CCDC146: variants seen among roughly 807,000 people sequenced by gnomAD.
CCDC146 encodes the protein coiled-coil domain containing 146, also known as coiled-coil domain-containing protein 146.
CCDC146 carries 92 observed loss-of-function variants against 119.3 expected under a neutral mutation model. The observed-to-expected ratio is 0.77, with a 90% CI of 0.65 to 0.92. The LOEUF (loss-of-function observed/expected upper bound fraction) is 0.92. Ranked by LOEUF, CCDC146 falls within the 40% of genes least tolerant of loss-of-function variation. The pLI is 0.00. For missense variants in CCDC146, 1,000 were observed against 1,103.0 expected (o/e 0.91, Z 1.32); for synonymous variants, 372 against 371.8 (o/e 1.00, Z -0.01).
Position 77,282,604 on chromosome 7 carries a change from A to G in CCDC146, c.1967A>G (p.Glu656Gly), listed in dbSNP as rs751399428. 1 of 1,612,272 alleles carries G rather than the reference A, an allele frequency of 6.2e-7. No homozygotes were observed. The highest frequency in any genetic ancestry group is 8.5e-7 in the Non-Finnish European group (1 of 1,179,186). ...EREEEICIFY[E>G]KINIQEKMKL... ...GAAGAAGAAATATGCATTTTTTATGAAAAAATAAATATCCAAGAGAAGATG... is the reference window on the plus strand; with the variant it reads ...GAAGAAGAAATATGCATTTTTTATGGAAAAATAAATATCCAAGAGAAGATG... Residue 656 changes from glutamate (E) to glycine (G), a missense_variant, in exon 15 of 19, where the codon GAA becomes GGA. This residue lies in a region of CCDC146 where 985 missense variants were observed against 1,045.3 expected (regional missense o/e 0.94). Transcript: ENST00000285871.
intron 11 of CCDC146, among the ~76,000 whole-genome samples, chr7:77,276,881 C>A (rs549594564): frequency 6.6e-6 from 1 of 151,980 alleles, no homozygotes; most frequent in Non-Finnish European, 1.5e-5. Context: ...GACCAGCCTG[C>A]CCAACATGGT....
chr7:77,212,223 G>T (rs1792197894), intron 2 of CCDC146, among the ~76,000 whole-genome samples: 1 of 151,920 alleles, frequency 6.6e-6, no homozygotes. Flanking sequence ...CAAATACATA[G>T]GTTTCCTATT....
intron 4 of CCDC146, among the ~76,000 whole-genome samples, chr7:77,253,339 GT>G (rs1355279041): frequency 3.9e-5 from 6 of 152,126 alleles, no homozygotes; most frequent in Admixed American, 3.9e-4. Context: ...GAATGCAATT[GT>G]CACACAAAAC....
intron 1 of CCDC146, among the ~76,000 whole-genome samples, chr7:77,154,796 T>C (rs1791158154): frequency 1.3e-5 from 2 of 152,192 alleles, no homozygotes; most frequent in African/African-American, 4.8e-5. Flanking sequence ...CAGCATGATT[T>C]ATAATCCTTT....
intron 2 of CCDC146, chr7:77,199,869 G>C: frequency 6.6e-7 from 1 of 1,506,250 alleles, no homozygotes; most frequent in Non-Finnish European, 8.9e-7. Context: ...GCCTGAGTCA[G>C]GCTTTCTGTG....
At chr7:77,128,780 G>C (rs1790743421) in intron 1 of CCDC146, among the ~76,000 whole-genome samples, 2 of 152,140 alleles carry the variant, frequency 1.3e-5, no homozygotes, top group Admixed American at 1.3e-4. Flanking sequence ...GAAAGAGAGT[G>C]TGTGGGGGAA....
At chr7:77,237,833 ATG>A (rs1439540900) in intron 3 of CCDC146, among the ~76,000 whole-genome samples, 1 of 152,092 alleles carries the variant, frequency 6.6e-6, no homozygotes, top group Admixed American at 6.5e-5. Flanking sequence ...GAAAACCCTA[ATG>A]TGCTGTGATT....
intron 4 of CCDC146, among the ~76,000 whole-genome samples, chr7:77,247,131 G>C (rs1056191670): frequency 7.9e-5 from 12 of 152,138 alleles, no homozygotes; most frequent in African/African-American, 2.7e-4. Context: ...GTGTGATGGA[G>C]TAGGATTATA....
chr7:77,142,478 C>G (rs1325256880), intron 1 of CCDC146, among the ~76,000 whole-genome samples: 1 of 151,714 alleles, frequency 6.6e-6, no homozygotes, highest in Non-Finnish European at 1.5e-5. Flanking sequence ...TTTGTTACAT[C>G]TGTATACATG....
chr7:77,265,630 T>C (rs1389432173), intron 9 of CCDC146, among the ~76,000 whole-genome samples: 1 of 152,176 alleles, frequency 6.6e-6, no homozygotes, highest in Admixed American at 6.5e-5. Context: ...AAGGGACACA[T>C]AAACCTAATA....
At position 77,144,946 on chromosome 7, in the gene CCDC146, G is replaced by A. The variant is rs894067811; in HGVS notation, c.-12+22214G>A. Among the ~76,000 whole-genome samples, 12 of 151,920 alleles carry A rather than the reference G, an allele frequency of 7.9e-5. No homozygotes were observed. The East Asian group carries it at 1.7e-3, about 22-fold the overall frequency. The stretch of plus-strand genomic sequence containing the variant: ...TGCTGGCCTCATAAAGTGAATTAGG[G>A]AGGATTCCCTCTTTTTCTATTGACT... On this transcript the variant is annotated intron_variant, in intron 1 of 18. Coordinates refer to ENST00000285871, the MANE Select transcript of CCDC146 (RefSeq NM_020879.3).
At chr7:77,155,570 T>C (rs1791167763) in intron 1 of CCDC146, among the ~76,000 whole-genome samples, 1 of 152,116 alleles carries the variant, frequency 6.6e-6, no homozygotes, top group Admixed American at 6.5e-5. Context: ...AAATAAATAC[T>C]GCCAATCCTT....
At chr7:77,230,502 G>GTGTGTA (rs1562840872) in intron 2 of CCDC146, among the ~76,000 whole-genome samples, 1 of 151,780 alleles carries the variant, frequency 6.6e-6, no homozygotes, top group East Asian at 1.9e-4. Flanking sequence ...GTATGTGTGT[G>GTGTGTA]TGTGTGTGTG....
chr7:77,213,308 G>A (rs1482505923), intron 2 of CCDC146, among the ~76,000 whole-genome samples: 1 of 151,392 alleles, frequency 6.6e-6, no homozygotes, highest in Non-Finnish European at 1.5e-5. Context: ...TCCCAGGCTG[G>A]TCTTAAATTC....
At chr7:77,140,590 C>T (rs1247020566) in intron 1 of CCDC146, among the ~76,000 whole-genome samples, 2 of 152,270 alleles carry the variant, frequency 1.3e-5, no homozygotes, top group East Asian at 3.9e-4. Flanking sequence ...AGGCTCCATA[C>T]TCATGACCTA....
intron 4 of CCDC146, among the ~76,000 whole-genome samples, chr7:77,244,678 C>T (rs1049666626): frequency 9.9e-5 from 15 of 152,164 alleles, no homozygotes; most frequent in Non-Finnish European, 1.9e-4. Context: ...AAGTGCACTC[C>T]GTGATGTTCA....
At chr7:77,256,591 T>C (rs1793183286) in intron 6 of CCDC146, 82 bp downstream of exon 6, 1 of 1,157,942 alleles carries the variant, frequency 8.6e-7, no homozygotes, top group Non-Finnish European at 1.2e-6. Flanking sequence ...AACCAGCAGG[T>C]TGGATAAAGA....
chr7:77,225,260 A>AAGCTGGCCAGGCATGGTGGCTC (rs1213620417), intron 2 of CCDC146, among the ~76,000 whole-genome samples: 1 of 152,226 alleles, frequency 6.6e-6, no homozygotes, highest in Admixed American at 6.5e-5. Flanking sequence ...AAAAATAGCA[A>AAGCTGGCCAGGCATGGTGGCTC]AGCTGGCCAG....
intron 2 of CCDC146, among the ~76,000 whole-genome samples, chr7:77,229,268 G>C (rs968217826): frequency 6.6e-5 from 10 of 152,108 alleles, no homozygotes; most frequent in Non-Finnish European, 1.2e-4. Context: ...CCATCCTGTA[G>C]GTCATTTAAT....
Sources: allele counts gnomAD v4.1 joint callset (sites outside exome capture counted in the v4.1 genomes callset), GRCh38; gene constraint gnomAD v4.1.1; regional missense constraint gnomAD v4.1.1; transcripts MANE v1.5; gene names NCBI Gene and HGNC (gene_info 2026-07-23, HGNC 2026-07-21).